Variants in PIK3C2G observed in about 807,000 individuals in gnomAD.
PIK3C2G encodes the protein phosphatidylinositol-4-phosphate 3-kinase catalytic subunit type 2 gamma, also known as phosphatidylinositol 3-kinase C2 domain-containing subunit gamma.
Under a neutral mutation model 181.1 loss-of-function variants are expected in PIK3C2G, and 168 were observed. The observed-to-expected ratio is 0.93, with a 90% CI of 0.82 to 1.05. The LOEUF (loss-of-function observed/expected upper bound fraction) is 1.05. PIK3C2G is among the 50% of genes least tolerant of loss of function. PIK3C2G has a pLI of 0.00. For missense variants in PIK3C2G, 1,869 were observed against 1,732.8 expected, an observed-to-expected ratio of 1.08 and a Z score of -1.40; for synonymous variants, 573 against 592.2, an observed-to-expected ratio of 0.97 and a Z score of 0.47.
At chr12:18,355,595 G>A (rs536935559) in intron 11 of PIK3C2G, among the ~76,000 whole-genome samples, 3 of 152,040 alleles carry the variant, frequency 2.0e-5, no homozygotes, top group Non-Finnish European at 4.4e-5. Flanking sequence ...AGACTACCCT[G>A]GGGCCTGGGC....
intron 1 of PIK3C2G, among the ~76,000 whole-genome samples, chr12:18,277,935 A>C (rs991216258): frequency 1.2e-4 from 19 of 152,182 alleles, no homozygotes; most frequent in African/African-American, 4.6e-4. Flanking sequence ...TGGTACACTA[A>C]GGAGTTGTCA....
intron 31 of PIK3C2G, among the ~76,000 whole-genome samples, chr12:18,638,803 C>A (rs1949710295): frequency 6.6e-6 from 1 of 152,014 alleles, no homozygotes; most frequent in Admixed American, 6.6e-5. Context: ...TCAGAAAATC[C>A]ATTTCCAGAA....
At chr12:18,655,021 C>T in the PIK3C2G span, among the ~76,000 whole-genome samples, 14 of 149,676 alleles carry the variant, frequency 9.4e-5, no homozygotes, top group Admixed American at 2.0e-4. Flanking sequence ...TAAACCCAGC[C>T]GAAACAGTCT....
chr12:18,551,548 G>A lies in PIK3C2G; in HGVS notation c.3590+5116G>A, dbSNP rs561248798. Among the ~76,000 whole-genome samples, 214 of 152,168 alleles carry A rather than the reference G, an allele frequency of 1.4e-3. 1 individual carries two copies. Among genetic ancestry groups the A allele is most frequent in the African/African-American group, 4.9e-3 (203 of 41,540 alleles). On this transcript the variant is annotated intron_variant, in intron 26 of 32. Transcript: ENST00000538779. ...ATATTCCACTTGGCCTGCCATGTAA[G>A]TTCTCATTTAGTAAGTATATGATCT...
intron 5 of PIK3C2G, among the ~76,000 whole-genome samples, chr12:18,309,290 T>G (rs1015800746): frequency 2.6e-5 from 4 of 151,832 alleles, no homozygotes; most frequent in African/African-American, 4.8e-5. Context: ...CTTCCAAATG[T>G]TGCCATACTT....
intron 1 of PIK3C2G, among the ~76,000 whole-genome samples, chr12:18,255,305 A>G (rs1948135490): frequency 6.6e-6 from 1 of 152,098 alleles, no homozygotes; most frequent in African/African-American, 2.4e-5. Context: ...GTTTGAGTCT[A>G]TTCTGATTCT....
chr12:18,694,560 G>A, the PIK3C2G span, among the ~76,000 whole-genome samples: 5 of 152,066 alleles, frequency 3.3e-5, no homozygotes, highest in Non-Finnish European at 7.3e-5. Context: ...TTCATCAAAG[G>A]CGAGAAAAAG....
chr12:18,400,197 A>G (rs971378393), intron 16 of PIK3C2G, among the ~76,000 whole-genome samples: 4 of 152,176 alleles, frequency 2.6e-5, no homozygotes, highest in Non-Finnish European at 5.9e-5. Flanking sequence ...GTACTATTAA[A>G]ATATGCAAAG....
intron 29 of PIK3C2G, among the ~76,000 whole-genome samples, chr12:18,585,714 G>A (rs1213164022): frequency 6.6e-6 from 1 of 152,112 alleles, no homozygotes; most frequent in Non-Finnish European, 1.5e-5. Flanking sequence ...GACGTCTTTG[G>A]AATTCTCCAC....
chr12:18,537,413 G>A (rs1291348183), intron 24 of PIK3C2G, among the ~76,000 whole-genome samples: 2 of 151,904 alleles, frequency 1.3e-5, no homozygotes, highest in African/African-American at 4.8e-5. Context: ...GCTATTCTCT[G>A]TTAGAATTGC....
intron 11 of PIK3C2G, among the ~76,000 whole-genome samples, chr12:18,352,785 C>A (rs755038826): frequency 1.8e-4 from 27 of 152,226 alleles, no homozygotes; most frequent in Admixed American, 3.9e-4. Flanking sequence ...CCATTCCTGG[C>A]CAAACTCTTC....
In PIK3C2G at chr12:18,282,383, T is replaced by C; in HGVS notation, c.302T>C (p.Val101Ala). 1 of 1,613,670 alleles carries C rather than the reference T, an allele frequency of 6.2e-7. No homozygotes were observed. The highest frequency in any genetic ancestry group is 8.5e-7 in the Non-Finnish European group (1 of 1,179,624). Residue 101 changes from valine to alanine, a missense_variant, in exon 2 of 33, where the codon GTT becomes GCT. Transcript: ENST00000538779. Reference protein sequence around the residue: ...SKSRELSWHQVSKAPAIGFSP... With the variant: ...SKSRELSWHQASKAPAIGFSP... ...AGCCGTGAACTCTCCTGGCATCAAG[T>C]TAGCAAAGCACCAGCAATTGGTTTT...
chr12:18,458,165 G>C (rs532149144), intron 18 of PIK3C2G, among the ~76,000 whole-genome samples: 1 of 152,266 alleles, frequency 6.6e-6, no homozygotes, highest in African/African-American at 2.4e-5. Flanking sequence ...ATGAAGAAAT[G>C]ATAGGGATAG....
chr12:18,599,619 G>A (rs1339267904), intron 30 of PIK3C2G, among the ~76,000 whole-genome samples: 3 of 150,784 alleles, frequency 2.0e-5, no homozygotes, highest in Admixed American at 1.3e-4. Context: ...TGCACATTGT[G>A]TACATGTACC....
At chr12:18,716,955 T>A in the PIK3C2G span, among the ~76,000 whole-genome samples, 10,662 of 152,196 alleles carry the variant, frequency 0.07, 445 homozygotes, top group African/African-American at 0.1. Context: ...AATGGTTATA[T>A]CTGTCACAAA....
the PIK3C2G span, among the ~76,000 whole-genome samples, chr12:18,666,458 G>C: frequency 6.6e-6 from 1 of 151,928 alleles, no homozygotes; most frequent in African/African-American, 2.4e-5. Context: ...TGGACTTCAA[G>C]GTGATTGTTG....
chr12:18,666,232 A>C, the PIK3C2G span, among the ~76,000 whole-genome samples: 1 of 151,910 alleles, frequency 6.6e-6, no homozygotes, highest in African/African-American at 2.4e-5. Flanking sequence ...TGGCAAAAGT[A>C]AGTCTTTTTA....
chr12:18,554,973 T>C (rs1165415307), intron 26 of PIK3C2G, among the ~76,000 whole-genome samples: 2 of 152,138 alleles, frequency 1.3e-5, no homozygotes, highest in African/African-American at 2.4e-5. Context: ...GAGATTTAGA[T>C]GAAGAAATTT....
At chr12:18,541,024 A>G (rs375792394) in intron 25 of PIK3C2G, among the ~76,000 whole-genome samples, 1 of 151,958 alleles carries the variant, frequency 6.6e-6, no homozygotes, top group East Asian at 1.9e-4. Context: ...TAAATTTGTG[A>G]AAGACTATTT....
Sources: gnomAD v4.1 joint callset for allele counts (sites outside exome capture counted in the v4.1 genomes callset) on GRCh38, gnomAD v4.1.1 for gene constraint, MANE v1.5 for transcripts, NCBI Gene and HGNC (gene_info 2026-07-23, HGNC 2026-07-21) for gene names.